LSM10: variants seen among roughly 807,000 people sequenced by gnomAD.
LSM10 encodes LSM10, U7 small nuclear RNA associated.
A neutral mutation model predicts 5.2 loss-of-function variants in LSM10; 4 were observed. The observed-to-expected ratio is 0.77, with a 90% CI of 0.38 to 1.77. The LOEUF (loss-of-function observed/expected upper bound fraction) is 1.77, where lower values mean the gene tolerates loss of function less well. Ranked by LOEUF, LSM10 falls within the 40% of genes most tolerant of loss-of-function variation. The pLI is 0.04. For missense variants in LSM10, 150 were observed against 171.6 expected, an observed-to-expected ratio of 0.87 and a Z score of 0.70; for synonymous variants, 63 against 67.4, an observed-to-expected ratio of 0.94 and a Z score of 0.32.
In LSM10 at chr1:36,394,097, G is replaced by A. The variant is rs1317543909; in HGVS notation, c.33C>T (p.Thr11=). The A allele has an allele frequency of 4.3e-6, 7 of 1,613,598 alleles. No individual in the cohort carries two copies. In the Admixed American group the frequency reaches 1.2e-4, roughly 27 times the overall value. The change falls in exon 2 of 2, where the codon ACC becomes ACT. Residue 11 remains threonine (T), a synonymous_variant. Transcript: ENST00000315732. ...GGATGATCAGGCTGTTCTCAGAGAT[G>A]GTCCGCTCCTTCACTGAATGGCTCA... is the stretch of plus-strand genomic sequence containing the variant. MAVSHSVKER[T]ISENSLIILL...
chr1:36,394,161 C>T lies in LSM10; in HGVS notation c.-24-8G>A. On this transcript the variant is annotated splice_region_variant and splice_polypyrimidine_tract_variant and intron_variant, in intron 1 of 1. Coordinates refer to ENST00000315732, the MANE Select transcript of LSM10 (RefSeq NM_032881.3). ...ACACCAGCTGCCTGCTTGCTGTGGACAGGAGCACACAGATGGCAGCTATAG... is the reference window on the plus strand; with the variant it reads ...ACACCAGCTGCCTGCTTGCTGTGGATAGGAGCACACAGATGGCAGCTATAG... The T allele has an allele frequency of 6.3e-7, 1 of 1,588,836 alleles. No homozygotes were observed. Among genetic ancestry groups the T allele is most frequent in the Non-Finnish European group, 8.6e-7 (1 of 1,167,824 alleles).
At chr1:36,396,418 C>A (rs972004171) in intron 1 of LSM10, among the ~76,000 whole-genome samples, 4 of 152,108 alleles carry the variant, frequency 2.6e-5, no homozygotes, top group Admixed American at 6.5e-5. Flanking sequence ...TGACCCCCTA[C>A]GTGAATTAGA....
chr1:36,394,075 T>C lies in LSM10; in HGVS notation c.55A>G (p.Ile19Val). The C allele has an allele frequency of 5.0e-6, 8 of 1,614,150 alleles. No homozygotes were observed. The highest frequency in any genetic ancestry group is 6.8e-6 in the Non-Finnish European group (8 of 1,180,040). ...CGGCCCTGGAGGCCCTGCAGTAGGA[T>C]GATCAGGCTGTTCTCAGAGATGGTC... ...ERTISENSLI[I>V]LLQGLQGRVT... Residue 19 changes from isoleucine (I) to valine (V), a missense_variant, in exon 2 of 2, where the codon ATC becomes GTC. By Grantham distance (29) the Ile-to-Val change is conservative (BLOSUM62 3). Transcript: ENST00000315732.
intron 1 of LSM10, among the ~76,000 whole-genome samples, chr1:36,397,064 G>A (rs150231440): frequency 6.6e-6 from 1 of 152,200 alleles, no homozygotes; most frequent in African/African-American, 2.4e-5. Flanking sequence ...GAGAAACCTA[G>A]GTTGGAATCC....
intron 1 of LSM10, among the ~76,000 whole-genome samples, chr1:36,396,783 C>A (rs1028596130): frequency 6.6e-6 from 1 of 152,134 alleles, no homozygotes; most frequent in Admixed American, 6.5e-5. Context: ...ACCCGCCTGG[C>A]CAACATGGTG....
In LSM10 at chr1:36,393,761, C is replaced by G; in HGVS notation, c.369G>C (p.Lys123Asn). The G allele has an allele frequency of 6.2e-7, 1 of 1,613,824 alleles. No homozygotes were observed. Among genetic ancestry groups the G allele is most frequent in the Non-Finnish European group, 8.5e-7 (1 of 1,179,868 alleles). Residue 123 changes from lysine (K) to asparagine (N), a missense_variant, in exon 2 of 2, where the codon AAG (lysine) becomes AAC (asparagine). Lys to Asn is a moderately conservative substitution (Grantham distance 94). Transcript: ENST00000315732. ...GRWEFPPKNC[K>N] ...GGGCCAGGGCTTGCTGAGGGCCTCA[C>G]TTACAGTTTTTTGGGGGAAATTCCC... is the stretch of plus-strand genomic sequence containing the variant.
At position 36,394,164 on chromosome 1, in the gene LSM10, G is replaced by A. The variant is rs370334236; in HGVS notation, c.-24-11C>T. ...CCAGCTGCCTGCTTGCTGTGGACAG[G>A]AGCACACAGATGGCAGCTATAGCAG... On this transcript the variant is annotated splice_polypyrimidine_tract_variant and intron_variant, in intron 1 of 1. Coordinates refer to ENST00000315732, the MANE Select transcript of LSM10 (RefSeq NM_032881.3). 8.4e-5 allele frequency: 133 copies of A among 1,588,644 alleles called. No individual in the cohort carries two copies. The highest frequency in any genetic ancestry group is 3.3e-4 in the Middle Eastern group (2 of 6,010).
intron 1 of LSM10, among the ~76,000 whole-genome samples, chr1:36,394,564 C>T (rs11263881): frequency 0.31 from 47,311 of 151,448 alleles, 7,490 homozygotes; most frequent in African/African-American, 0.35. Flanking sequence ...CCCAGCACTT[C>T]GAGAGGCTGA....
chr1:36,394,828 G>A (rs1222991826), intron 1 of LSM10, among the ~76,000 whole-genome samples: 4 of 151,380 alleles, frequency 2.6e-5, no homozygotes, highest in Non-Finnish European at 5.9e-5. Context: ...AGCATTGGCC[G>A]GGCGCGGTGG....
In LSM10 at chr1:36,394,164, G is replaced by C; in HGVS notation, c.-24-11C>G. The C allele has an allele frequency of 6.3e-7, 1 of 1,588,762 alleles. No individual in the cohort carries two copies. The highest frequency in any genetic ancestry group is 8.6e-7 in the Non-Finnish European group (1 of 1,167,884). On this transcript the variant is annotated splice_polypyrimidine_tract_variant and intron_variant, in intron 1 of 1. Coordinates refer to ENST00000315732, the MANE Select transcript of LSM10 (RefSeq NM_032881.3). ...CCAGCTGCCTGCTTGCTGTGGACAGGAGCACACAGATGGCAGCTATAGCAG... is the reference window on the plus strand; with the variant it reads ...CCAGCTGCCTGCTTGCTGTGGACAGCAGCACACAGATGGCAGCTATAGCAG...
chr1:36,397,716 C>A (rs1647165481), intron 1 of LSM10, 51 bp downstream of exon 1: 1 of 152,114 alleles, frequency 6.6e-6, no homozygotes. Flanking sequence ...GAGGTCCTGG[C>A]ATCCCCCGCA....
chr1:36,395,902 A>AG (rs1647154667), intron 1 of LSM10, among the ~76,000 whole-genome samples: 1 of 151,898 alleles, frequency 6.6e-6, no homozygotes, highest in Non-Finnish European at 1.5e-5. Flanking sequence ...GTTTGGTTAG[A>AG]GGGGTGGGCC....
rs1647142220 is a variant in LSM10 at position 36,394,153 on chromosome 1, GC to G, written c.-24-1del. 1 of 1,598,478 alleles carries G rather than the reference GC, an allele frequency of 6.3e-7. No individual in the cohort carries two copies. The highest frequency in any genetic ancestry group is 8.5e-7 in the Non-Finnish European group (1 of 1,173,348). ...ATTCTTCCACACCAGCTGCCTGCTT[GC>G]TGTGGACAGGAGCACACAGATGGCA... On this transcript the variant is annotated splice_acceptor_variant, in intron 1 of 1. Coordinates refer to ENST00000315732, the MANE Select transcript of LSM10 (RefSeq NM_032881.3). LOFTEE classifies it low-confidence loss of function (5UTR_SPLICE).
chr1:36,393,497 T>C lies in LSM10; in HGVS notation c.*261A>G. On this transcript the variant is annotated 3_prime_UTR_variant, in exon 2 of 2. Transcript: ENST00000315732. ...GTTGAAAACTACTTGACAGGTTCCA[T>C]AATCAATAAGTCAGAGATTCAGATC... 9.4e-6 allele frequency: 5 copies of C among 533,184 alleles called. No homozygotes were observed. The South Asian group carries it at 1.1e-4, about 12-fold the overall frequency. The allele number at this position is 533,184 out of a possible 1,614,324, so 33.0% of individuals were successfully genotyped here.
chr1:36,395,230 C>A (rs974062722), intron 1 of LSM10, among the ~76,000 whole-genome samples: 1 of 151,812 alleles, frequency 6.6e-6, no homozygotes. Context: ...AAAACGATTA[C>A]GGAAAGAAGG....
chr1:36,397,255 T>A (rs558540790), intron 1 of LSM10, among the ~76,000 whole-genome samples: 1 of 152,320 alleles, frequency 6.6e-6, no homozygotes, highest in African/African-American at 2.4e-5. Flanking sequence ...TCCCTTATTT[T>A]CAGACCTGAG....
At chr1:36,396,432 A>C (rs1647158823) in intron 1 of LSM10, among the ~76,000 whole-genome samples, 1 of 152,166 alleles carries the variant, frequency 6.6e-6, no homozygotes, top group Non-Finnish European at 1.5e-5. Context: ...AATTAGATAC[A>C]CGTTAAGGTT....
At chr1:36,395,519 C>A (rs1448705929) in intron 1 of LSM10, among the ~76,000 whole-genome samples, 9 of 152,188 alleles carry the variant, frequency 5.9e-5, no homozygotes, top group African/African-American at 2.2e-4. Context: ...TGGCTCCCCG[C>A]TGTAATCCCA....
chr1:36,393,745 C>T lies in LSM10; in HGVS notation c.*13G>A. 1 of 1,612,232 alleles carries T rather than the reference C, an allele frequency of 6.2e-7. No individual in the cohort carries two copies. Among genetic ancestry groups the T allele is most frequent in the South Asian group, 1.1e-5 (1 of 90,966 alleles). ...GGAGGACTCCGAGTTGGGGCCAGGG[C>T]TTGCTGAGGGCCTCACTTACAGTTT... On this transcript the variant is annotated 3_prime_UTR_variant, in exon 2 of 2. Coordinates refer to ENST00000315732, the MANE Select transcript of LSM10 (RefSeq NM_032881.3).
Sources: gnomAD v4.1 joint callset for allele counts (sites outside exome capture counted in the v4.1 genomes callset) on GRCh38, gnomAD v4.1.1 for gene constraint, MANE v1.5 for transcripts, NCBI Gene and HGNC (gene_info 2026-07-23, HGNC 2026-07-21) for gene names.